DTX1: variants seen among roughly 807,000 people sequenced by gnomAD.
DTX1 encodes deltex E3 ubiquitin ligase 1.
Under a neutral mutation model 57.8 loss-of-function variants are expected in DTX1, and 26 were observed. The ratio of observed to expected loss-of-function variants is 0.45; its 90% CI spans 0.33 to 0.62. The LOEUF is 0.62. DTX1 is among the 20% of genes least tolerant of loss of function. DTX1 has a pLI of 0.02. For missense variants in DTX1, 704 were observed against 895.3 expected, an observed-to-expected ratio of 0.79 and a Z score of 2.73; for synonymous variants, 398 against 394.1, an observed-to-expected ratio of 1.01 and a Z score of -0.12.
In DTX1 at chr12:113,096,885, C is replaced by T. The variant is rs375020755; in HGVS notation, c.1809C>T (p.Asn603=). The change falls in exon 10 of 10, where the codon AAC becomes AAT. Residue 603 remains asparagine (N), a synonymous_variant. Coordinates refer to ENST00000548759, the MANE Select transcript of DTX1 (RefSeq NM_004416.3). ...ACCCGGACGCTAGCTACCTAGACAACGTGCTGGCTGAGCTCACAGCCCAGG... is the reference window on the plus strand; with the variant it reads ...ACCCGGACGCTAGCTACCTAGACAATGTGCTGGCTGAGCTCACAGCCCAGG... ...HGYPDASYLD[N]VLAELTAQGV... is the part of the protein sequence containing the mutation. 2.0e-5 allele frequency: 33 copies of T among 1,613,412 alleles called. No homozygotes were observed. Among genetic ancestry groups the T allele is most frequent in the Non-Finnish European group, 2.5e-5 (29 of 1,180,050 alleles).
rs61758447 is a variant in DTX1 at position 113,096,828 on chromosome 12, C to T, written c.1752C>T (p.Thr584=). Residue 584 remains threonine (T), a synonymous_variant, in exon 10 of 10, where the codon ACC becomes ACT. Transcript: ENST00000548759. ...TGTGGAACGAGATCCACCACAAGAC[C>T]GAGTTTGGATCCAACCTCACGGGCC... The part of the protein sequence containing the change: ...TVVWNEIHHK[T]EFGSNLTGHG... 23,722 of 1,613,922 alleles carry T rather than the reference C, an allele frequency of 0.015. 317 individuals carry two copies. Among genetic ancestry groups the T allele is most frequent in the African/African-American group, 0.052 (3,927 of 75,008 alleles).
intron 2 of DTX1, among the ~76,000 whole-genome samples, chr12:113,076,458 G>GAA (rs56382675): frequency 9.6e-4 from 121 of 126,512 alleles, no homozygotes; most frequent in African/African-American, 2.8e-3. Flanking sequence ...ACTCTGCCTG[G>GAA]AAAAAAAAAA....
chr12:113,097,162 G>A lies in DTX1; in HGVS notation c.*223G>A. The A allele has an allele frequency of 7.1e-6, 4 of 565,228 alleles. No individual in the cohort carries two copies. Among genetic ancestry groups the A allele is most frequent in the Non-Finnish European group, 1.3e-5 (4 of 319,412 alleles). The allele number at this position is 565,228 out of a possible 1,614,324, so 35.0% of individuals were successfully genotyped here. ...CTGAGAGGGCCAAGCAGAGAGTACT[G>A]GAAACCTCCCTACCAAAAAGACAGA... On this transcript the variant is annotated 3_prime_UTR_variant, in exon 10 of 10. Coordinates refer to ENST00000548759, the MANE Select transcript of DTX1 (RefSeq NM_004416.3).
chr12:113,066,959 G>A (rs551923196), intron 2 of DTX1, among the ~76,000 whole-genome samples: 13 of 152,140 alleles, frequency 8.5e-5, no homozygotes, highest in South Asian at 2.1e-4. Flanking sequence ...CTGGCCAAGC[G>A]CCTCTCCCTC....
At chr12:113,092,717 C>T (rs1950257419) in intron 3 of DTX1, among the ~76,000 whole-genome samples, 2 of 152,208 alleles carry the variant, frequency 1.3e-5, no homozygotes, top group South Asian at 2.1e-4. Context: ...GAGACAGTGA[C>T]GTGTTCCTAA....
intron 2 of DTX1, among the ~76,000 whole-genome samples, chr12:113,067,196 G>A (rs1233418284): frequency 6.6e-6 from 1 of 151,860 alleles, no homozygotes; most frequent in Non-Finnish European, 1.5e-5. Flanking sequence ...TGACCGACTG[G>A]GCCTTTGTCC....
At chr12:113,058,512 G>A (rs1050955535) in intron 2 of DTX1, 61 bp downstream of exon 2, 1 of 1,534,312 alleles carries the variant, frequency 6.5e-7, no homozygotes, top group Non-Finnish European at 8.7e-7. Flanking sequence ...TTGCAGCGTA[G>A]GATGCTGAAA....
intron 2 of DTX1, among the ~76,000 whole-genome samples, chr12:113,073,583 C>T (rs2044750858): frequency 6.6e-6 from 1 of 152,166 alleles, no homozygotes; most frequent in Non-Finnish European, 1.5e-5. Flanking sequence ...CTCCGTGCCT[C>T]GATTTCTCCA....
chr12:113,091,655 C>T (rs769045372), intron 3 of DTX1, among the ~76,000 whole-genome samples: 8 of 131,262 alleles, frequency 6.1e-5, no homozygotes, highest in Non-Finnish European at 1.3e-4. Context: ...GCAGCAGTAC[C>T]CAAGCCTGCC....
At position 113,093,436 on chromosome 12, in the gene DTX1, A is replaced by ATG; in HGVS notation, c.1004-103_1004-102insTG. 3.7e-5 allele frequency: 32 copies of ATG among 876,226 alleles called. No individual in the cohort carries two copies. Among genetic ancestry groups the ATG allele is most frequent in the Non-Finnish European group, 5.1e-5 (30 of 586,188 alleles). The allele number at this position is 876,226 out of a possible 1,614,324, so 54.3% of individuals were successfully genotyped here. ...CTGAGTGGGTGGGGCCCAAGAGCGC[A>ATG]ACCCTCCCACCCACCCGAGGGCCCC... On this transcript the variant is annotated intron_variant, in intron 4 of 9. Coordinates refer to ENST00000548759, the MANE Select transcript of DTX1 (RefSeq NM_004416.3). This position sits in a 1 kb window ranked among gnomAD's most constrained non-coding sequence, Gnocchi z 4.2.
Position 113,093,336 on chromosome 12 carries a change from A to G in DTX1, c.1003+113A>G, listed in dbSNP as rs983124054. 99 of 1,391,026 alleles carry G rather than the reference A, an allele frequency of 7.1e-5. No individual in the cohort carries two copies. Among genetic ancestry groups the G allele is most frequent in the Middle Eastern group, 2.5e-4 (1 of 3,968 alleles). 86.2% of individuals were successfully genotyped at this position (1,391,026 alleles called of 1,614,324 possible). A position where few individuals can be genotyped will look rare whatever the true frequency, so the allele number is the denominator to read the frequency against. Reference sequence around the variant, plus strand: ...GGCTGGTGAGCGTGGCCCGGAGGAAACGCCCCCTTCCACTGGGCCCAGGAC... The same window carrying G: ...GGCTGGTGAGCGTGGCCCGGAGGAAGCGCCCCCTTCCACTGGGCCCAGGAC... On this transcript the variant is annotated intron_variant, in intron 4 of 9. Coordinates refer to ENST00000548759, the MANE Select transcript of DTX1 (RefSeq NM_004416.3). The surrounding 1 kb of genome is among the most constrained non-coding windows in gnomAD (Gnocchi z 4.2).
chr12:113,072,696 CTTTT>C (rs60642403), intron 2 of DTX1, among the ~76,000 whole-genome samples: 9 of 71,106 alleles, frequency 1.3e-4, no homozygotes, highest in Non-Finnish European at 1.6e-4. Context: ...GAGAGATTTT[CTTTT>C]TTTTTTTTTT....
intron 2 of DTX1, among the ~76,000 whole-genome samples, chr12:113,074,059 C>T (rs1397098633): frequency 2.6e-5 from 4 of 152,022 alleles, no homozygotes; most frequent in Admixed American, 6.6e-5. Context: ...GGTGAAATCC[C>T]GTCTCTACGA....
intron 2 of DTX1, among the ~76,000 whole-genome samples, chr12:113,059,340 G>A (rs1043869364): frequency 6.6e-6 from 1 of 152,092 alleles, no homozygotes; most frequent in Non-Finnish European, 1.5e-5. Flanking sequence ...AGAGAATGAT[G>A]TTGGTGGCAG....
At position 113,093,566 on chromosome 12, in the gene DTX1, C is replaced by T. The variant is rs771433085; in HGVS notation, c.1031C>T (p.Ala344Val). 1.9e-6 allele frequency: 3 copies of T among 1,609,634 alleles called. No homozygotes were observed. The Admixed American group carries it at 5.0e-5, about 27-fold the overall frequency. ...AGMTGILLCAAGLPVCLTRAP... is the reference protein window; with the variant it reads ...AGMTGILLCAVGLPVCLTRAP... ...ATGACCGGGATACTGCTGTGCGCGG[C>T]CGGGCTGCCCGTGTGCCTGACGCGG... Residue 344 changes from alanine to valine, a missense_variant, in exon 5 of 10, where the codon GCC becomes GTC. Ala to Val is a moderately conservative substitution (Grantham distance 64, BLOSUM62 0). Coordinates refer to ENST00000548759, the MANE Select transcript of DTX1 (RefSeq NM_004416.3). This position sits in a 1 kb window ranked among gnomAD's most constrained non-coding sequence, Gnocchi z 4.2.
intron 3 of DTX1, among the ~76,000 whole-genome samples, chr12:113,083,351 C>T (rs559576219): frequency 3.3e-5 from 5 of 151,668 alleles, no homozygotes; most frequent in East Asian, 1.9e-4. Context: ...TTTTTGAGAC[C>T]GTCTTGCTCT....
chr12:113,070,140 T>C (rs1380614729), intron 2 of DTX1, among the ~76,000 whole-genome samples: 1 of 152,140 alleles, frequency 6.6e-6, no homozygotes, highest in East Asian at 1.9e-4. Context: ...AATGGGGCAA[T>C]AACACCCCCA....
intron 7 of DTX1, 25 bp from the exon 8 acceptor site, chr12:113,095,017 C>A: frequency 6.2e-7 from 1 of 1,604,148 alleles, no homozygotes; most frequent in South Asian, 1.1e-5. Context: ...GTGCTGGGAA[C>A]TCACTGCCAG....
At chr12:113,083,352 G>A (rs113220379) in intron 3 of DTX1, among the ~76,000 whole-genome samples, 2,705 of 151,554 alleles carry the variant, frequency 0.018, 38 homozygotes, top group African/African-American at 0.033. Context: ...TTTTGAGACC[G>A]TCTTGCTCTG....
Sources: gnomAD v4.1 joint callset for allele counts (sites outside exome capture counted in the v4.1 genomes callset) on GRCh38, gnomAD v4.1.1 for gene constraint, Gnocchi (gnomAD v3.1) non-coding constraint, MANE v1.5 for transcripts, NCBI Gene and HGNC (gene_info 2026-07-23, HGNC 2026-07-21) for gene names.